MRPS27: variants seen among roughly 807,000 people sequenced by gnomAD.
MRPS27 encodes the protein small ribosomal subunit protein mS27.
A neutral mutation model predicts 48.9 loss-of-function variants in MRPS27; 43 were observed. That is an observed-to-expected ratio of 0.88 (90% CI 0.69 to 1.13). The LOEUF (loss-of-function observed/expected upper bound fraction) is 1.13. Ranked by LOEUF, MRPS27 falls within the 50% of genes most tolerant of loss-of-function variation. MRPS27 has a pLI of 0.00. For missense variants in MRPS27, 467 were observed against 476.3 expected, an observed-to-expected ratio of 0.98 and a Z score of 0.18; for synonymous variants, 188 against 171.9, an observed-to-expected ratio of 1.09 and a Z score of -0.73.
At chr5:72,253,277 C>T (rs1181368106) in intron 4 of MRPS27, among the ~76,000 whole-genome samples, 1 of 152,210 alleles carries the variant, frequency 6.6e-6, no homozygotes, top group Non-Finnish European at 1.5e-5. Flanking sequence ...CTACCCTTTA[C>T]TGTCATATCT....
chr5:72,246,249 T>G (rs1748510448), intron 4 of MRPS27, among the ~76,000 whole-genome samples: 1 of 152,230 alleles, frequency 6.6e-6, no homozygotes, highest in South Asian at 2.1e-4. Flanking sequence ...TGAAGTATCC[T>G]GGCTAAAATA....
At chr5:72,253,826 A>G (rs781617307) in intron 4 of MRPS27, among the ~76,000 whole-genome samples, 6 of 152,214 alleles carry the variant, frequency 3.9e-5, no homozygotes, top group Non-Finnish European at 7.3e-5. Flanking sequence ...TTTCCTGGAA[A>G]AGTCACTACT....
intron 4 of MRPS27, among the ~76,000 whole-genome samples, chr5:72,270,605 T>C (rs1348907686): frequency 6.6e-6 from 1 of 152,106 alleles, no homozygotes; most frequent in Admixed American, 6.5e-5. Context: ...CCGAAGAAAC[T>C]CTTAAACAAA....
chr5:72,316,821 G>T (rs1223072922), intron 1 of MRPS27, among the ~76,000 whole-genome samples: 1 of 151,788 alleles, frequency 6.6e-6, no homozygotes, highest in Non-Finnish European at 1.5e-5. Flanking sequence ...CCTGAGGTCG[G>T]GAGTTCGAGG....
intron 9 of MRPS27, among the ~76,000 whole-genome samples, chr5:72,224,396 G>A (rs564529284): frequency 4.3e-4 from 66 of 152,234 alleles, no homozygotes; most frequent in Non-Finnish European, 6.3e-4. Flanking sequence ...AGCGAGCTAC[G>A]AATTATTTGT....
At chr5:72,314,902 T>G (rs984754343) in intron 1 of MRPS27, among the ~76,000 whole-genome samples, 12 of 152,222 alleles carry the variant, frequency 7.9e-5, no homozygotes, top group African/African-American at 2.9e-4. Context: ...TTCAATCATT[T>G]CACATAAAGC....
Position 72,238,183 on chromosome 5 carries a change from C to T in MRPS27, c.282-55G>A. The T allele has an allele frequency of 2.6e-6, 3 of 1,170,110 alleles. No individual in the cohort carries two copies. The Admixed American group carries it at 5.2e-5, about 20-fold the overall frequency. The allele number at this position is 1,170,110 out of a possible 1,614,324, so 72.5% of individuals were successfully genotyped here. On this transcript the variant is annotated intron_variant, in intron 4 of 10. Transcript: ENST00000261413. ...GTGTTAACTCTTATATGTTAAAACA[C>T]ATCTTCCATCGATAGGTCCTTCTCT...
Position 72,219,921 on chromosome 5 carries a change from A to G in MRPS27, c.*988T>C, listed in dbSNP as rs1747694083. ...AACACGATGGAGAAGCCAATCCAAA[A>G]AAGCTTCATGCTAGAGCTAGCTTTC... is the stretch of plus-strand genomic sequence containing the variant. On this transcript the variant is annotated 3_prime_UTR_variant, in exon 11 of 11. Transcript: ENST00000261413. The G allele has an allele frequency of 6.5e-6, 1 of 152,688 alleles. No individual in the cohort carries two copies. The allele number at this position is 152,688 out of a possible 1,614,324, so 9.5% of individuals were successfully genotyped here.
At chr5:72,240,434 A>G (rs1449003395) in intron 4 of MRPS27, among the ~76,000 whole-genome samples, 6 of 150,230 alleles carry the variant, frequency 4.0e-5, no homozygotes, top group Non-Finnish European at 7.3e-5. Context: ...TTTTTTGGTA[A>G]TGACTTTGGG....
chr5:72,266,854 C>T (rs1749118336), intron 4 of MRPS27, among the ~76,000 whole-genome samples: 1 of 150,952 alleles, frequency 6.6e-6, no homozygotes. Flanking sequence ...AGCGAGATTT[C>T]GTCTCAAAAA....
intron 4 of MRPS27, among the ~76,000 whole-genome samples, chr5:72,269,669 AT>A (rs774127802): frequency 6.6e-6 from 1 of 152,228 alleles, no homozygotes; most frequent in Non-Finnish European, 1.5e-5. Flanking sequence ...AATAAATGGC[AT>A]TAGGATAGCT....
chr5:72,257,400 AG>A (rs1561342120), intron 4 of MRPS27, among the ~76,000 whole-genome samples: 1 of 152,104 alleles, frequency 6.6e-6, no homozygotes, highest in African/African-American at 2.4e-5. Context: ...CTTCCTCCCT[AG>A]CTGGTAAGTT....
rs761811769 is a variant in MRPS27 at position 72,297,695 on chromosome 5, A to G, written c.159T>C (p.Leu53=). ...REKEHYCLAD[L]ASLMDKTFER... ...CAAATGTTTTATCCATTAAAGATGC[A>G]AGATCAGCTGTGAAGACAAAAAAAG... Residue 53 remains leucine (L), a synonymous_variant, in exon 3 of 11, where the codon CTT becomes CTC. Coordinates refer to ENST00000261413, the MANE Select transcript of MRPS27 (RefSeq NM_015084.3). 1.6e-5 allele frequency: 26 copies of G among 1,598,438 alleles called. No individual in the cohort carries two copies. Among genetic ancestry groups the G allele is most frequent in the Non-Finnish European group, 6.0e-6 (7 of 1,173,370 alleles).
At chr5:72,235,481 C>G (rs144498336) in intron 5 of MRPS27, among the ~76,000 whole-genome samples, 1 of 152,208 alleles carries the variant, frequency 6.6e-6, no homozygotes, top group East Asian at 1.9e-4. Context: ...CAAGAGTGAA[C>G]CCTAATGTAA....
chr5:72,259,538 T>A (rs566786686), intron 4 of MRPS27, among the ~76,000 whole-genome samples: 1 of 152,172 alleles, frequency 6.6e-6, no homozygotes, highest in African/African-American at 2.4e-5. Context: ...AAATCTTTTT[T>A]AAATTGCAAG....
At chr5:72,242,468 A>C (rs1000157582) in intron 4 of MRPS27, among the ~76,000 whole-genome samples, 1 of 150,482 alleles carries the variant, frequency 6.6e-6, no homozygotes, top group Non-Finnish European at 1.5e-5. Flanking sequence ...CTGTGATTAT[A>C]TAGGAGGTAC....
At chr5:72,284,423 T>G (rs942878012) in intron 4 of MRPS27, among the ~76,000 whole-genome samples, 2 of 151,070 alleles carry the variant, frequency 1.3e-5, no homozygotes, top group Admixed American at 6.6e-5. Context: ...GACCCTGTCT[T>G]TAAATTAAAA....
intron 7 of MRPS27, among the ~76,000 whole-genome samples, chr5:72,231,172 C>T (rs967650469): frequency 3.3e-5 from 5 of 152,092 alleles, no homozygotes; most frequent in Non-Finnish European, 7.4e-5. Context: ...AACCCTCTCA[C>T]CCCACGTCCT....
At chr5:72,235,461 C>T (rs535843467) in intron 5 of MRPS27, among the ~76,000 whole-genome samples, 3 of 152,172 alleles carry the variant, frequency 2.0e-5, no homozygotes, top group East Asian at 1.9e-4. Context: ...ACCCATAGGA[C>T]GTACAACATC....
Sources: gnomAD v4.1 joint callset for allele counts (sites outside exome capture counted in the v4.1 genomes callset) on GRCh38, gnomAD v4.1.1 for gene constraint, MANE v1.5 for transcripts, NCBI Gene and HGNC (gene_info 2026-07-23, HGNC 2026-07-21) for gene names.